RPS6KC1: variants seen among roughly 807,000 people sequenced by gnomAD.
The protein encoded by RPS6KC1 is inactive ribosomal protein S6 kinase delta-1.
Under a neutral mutation model 103.8 loss-of-function variants are expected in RPS6KC1, and 54 were observed. The ratio of observed to expected loss-of-function variants is 0.52; its 90% CI spans 0.42 to 0.65. RPS6KC1 has a LOEUF of 0.65. RPS6KC1 is among the 30% of genes least tolerant of loss of function. The pLI, the probability that RPS6KC1 is intolerant of heterozygous loss-of-function variation, is 0.00. For missense variants in RPS6KC1, 1,151 were observed against 1,253.8 expected (o/e 0.92, Z 1.24); for synonymous variants, 439 against 438.7 (o/e 1.00, Z -0.01).
the RPS6KC1 span, among the ~76,000 whole-genome samples, chr1:213,560,858 A>G: frequency 6.6e-6 from 1 of 152,252 alleles, no homozygotes; most frequent in African/African-American, 2.4e-5. Context: ...ACCCTTTCAT[A>G]GTAAGCAGTG....
Position 213,186,357 on chromosome 1 carries a change from C to T in RPS6KC1, c.1044+9865C>T, listed in dbSNP as rs553356898. On this transcript the variant is annotated intron_variant, in intron 8 of 14. Coordinates refer to ENST00000366960, the MANE Select transcript of RPS6KC1 (RefSeq NM_012424.6). Reference sequence around the variant, plus strand: ...ATAATTTTGCTGAATACAGTATTCTCGGATGGCAGTTTTATTTTTGGTTTG... The same window carrying T: ...ATAATTTTGCTGAATACAGTATTCTTGGATGGCAGTTTTATTTTTGGTTTG... Among the ~76,000 whole-genome samples, 4 of 152,060 alleles carry T rather than the reference C, an allele frequency of 2.6e-5. No individual in the cohort carries two copies. In the South Asian group the frequency reaches 6.2e-4, roughly 24 times the overall value.
chr1:213,275,923 A>G (rs2095111640), downstream of RPS6KC1, among the ~76,000 whole-genome samples: 1 of 152,122 alleles, frequency 6.6e-6, no homozygotes, highest in African/African-American at 2.4e-5. Flanking sequence ...TTCTACTTCT[A>G]TTAATTAACT....
chr1:213,488,146 T>A, the RPS6KC1 span, among the ~76,000 whole-genome samples: 1 of 152,242 alleles, frequency 6.6e-6, no homozygotes. Context: ...CCTATCTCCT[T>A]GGCAAAAGCC....
the RPS6KC1 span, among the ~76,000 whole-genome samples, chr1:213,848,915 T>G: frequency 1.3e-5 from 2 of 151,876 alleles, no homozygotes; most frequent in African/African-American, 4.8e-5. Flanking sequence ...CCCGGGGCAT[T>G]AAGAGTGAGA....
At chr1:213,194,080 T>G (rs1404507732) in intron 8 of RPS6KC1, among the ~76,000 whole-genome samples, 1 of 152,236 alleles carries the variant, frequency 6.6e-6, no homozygotes, top group Admixed American at 6.5e-5. Flanking sequence ...TACCTTTGTG[T>G]CTTCTTATAG....
the RPS6KC1 span, among the ~76,000 whole-genome samples, chr1:213,343,384 GT>G: frequency 2.3e-5 from 2 of 86,864 alleles, no homozygotes; most frequent in African/African-American, 9.4e-5. Flanking sequence ...TTTTTTCAGT[GT>G]TGTGTGTATA....
At chr1:213,122,816 GAATTTTCCTTGGTAGTGGAGC>G (rs2084548030) in intron 5 of RPS6KC1, among the ~76,000 whole-genome samples, 1 of 151,972 alleles carries the variant, frequency 6.6e-6, no homozygotes, top group South Asian at 2.1e-4. Flanking sequence ...GCCCCCAGTT[GAATTTTCCTTGGTAGTGGAGC>G]TTGACAAAAA....
chr1:213,238,016 T>C (rs1032500051), intron 10 of RPS6KC1, among the ~76,000 whole-genome samples: 1 of 152,132 alleles, frequency 6.6e-6, no homozygotes, highest in African/African-American at 2.4e-5. Context: ...TGTACAGATG[T>C]TATCTTTTTA....
chr1:213,138,670 G>T (rs2086661009), intron 6 of RPS6KC1, among the ~76,000 whole-genome samples: 1 of 152,114 alleles, frequency 6.6e-6, no homozygotes, highest in South Asian at 2.1e-4. Flanking sequence ...ATCTTTTGTT[G>T]CTGCAAAGGC....
chr1:213,652,319 C>T, the RPS6KC1 span, among the ~76,000 whole-genome samples: 1 of 152,138 alleles, frequency 6.6e-6, no homozygotes, highest in Non-Finnish European at 1.5e-5. Flanking sequence ...TTAGTGTCCC[C>T]ATTTTACAGA....
the RPS6KC1 span, among the ~76,000 whole-genome samples, chr1:213,293,309 C>T: frequency 6.6e-6 from 1 of 152,052 alleles, no homozygotes; most frequent in Non-Finnish European, 1.5e-5. Flanking sequence ...ATTAACTTTC[C>T]TTCTGTATAT....
chr1:213,598,043 G>T, the RPS6KC1 span, among the ~76,000 whole-genome samples: 1 of 152,170 alleles, frequency 6.6e-6, no homozygotes, highest in African/African-American at 2.4e-5. Context: ...AAAAGTAATT[G>T]TGGGTTTTGC....
chr1:213,345,875 C>T, the RPS6KC1 span, among the ~76,000 whole-genome samples: 1 of 152,224 alleles, frequency 6.6e-6, no homozygotes, highest in Non-Finnish European at 1.5e-5. Context: ...GGTCTTTCTT[C>T]TGCACTTCTT....
chr1:213,563,301 T>C, the RPS6KC1 span, among the ~76,000 whole-genome samples: 1 of 152,124 alleles, frequency 6.6e-6, no homozygotes. Context: ...ATATATATCT[T>C]TTATATATCT....
At chr1:213,080,577 AATT>A (rs1415165144) in intron 3 of RPS6KC1, among the ~76,000 whole-genome samples, 1 of 152,056 alleles carries the variant, frequency 6.6e-6, no homozygotes, top group African/African-American at 2.4e-5. Flanking sequence ...TCATTTATAA[AATT>A]ATTATTTTTT....
At chr1:213,779,764 G>A in the RPS6KC1 span, among the ~76,000 whole-genome samples, 1 of 152,214 alleles carries the variant, frequency 6.6e-6, no homozygotes, top group East Asian at 1.9e-4. Context: ...AGTCAAAAGG[G>A]TGGAACTAGT....
the RPS6KC1 span, among the ~76,000 whole-genome samples, chr1:213,393,031 T>A: frequency 6.6e-6 from 1 of 152,218 alleles, no homozygotes; most frequent in South Asian, 2.1e-4. Context: ...GGGCAGAACC[T>A]CTAATTTCAA....
intron 8 of RPS6KC1, among the ~76,000 whole-genome samples, chr1:213,182,406 G>A (rs181794675): frequency 5.3e-4 from 80 of 152,160 alleles, no homozygotes; most frequent in Middle Eastern, 6.8e-3. Context: ...CATGAGAATC[G>A]CTTAAATCTG....
chr1:213,642,772 C>T, the RPS6KC1 span, among the ~76,000 whole-genome samples: 1 of 151,968 alleles, frequency 6.6e-6, no homozygotes, highest in East Asian at 1.9e-4. Flanking sequence ...CTTTTTAACT[C>T]CAAGTTCACA....
Sources: gnomAD v4.1 joint callset for allele counts (sites outside exome capture counted in the v4.1 genomes callset) on GRCh38, gnomAD v4.1.1 for gene constraint, MANE v1.5 for transcripts, NCBI Gene and HGNC (gene_info 2026-07-23, HGNC 2026-07-21) for gene names.